FMN2: variants seen among roughly 807,000 people sequenced by gnomAD.
FMN2 encodes the protein formin-2.
A neutral mutation model predicts 142.3 loss-of-function variants in FMN2; 51 were observed. The observed-to-expected ratio is 0.36, with a 90% CI of 0.29 to 0.45. The LOEUF (loss-of-function observed/expected upper bound fraction) is 0.45, where lower values mean the gene tolerates loss of function less well. Ranked by LOEUF, FMN2 falls within the 20% of genes least tolerant of loss-of-function variation. The pLI, the probability that FMN2 is intolerant of heterozygous loss-of-function variation, is 1.00. For synonymous variants in FMN2, 882 were observed against 869.8 expected, an observed-to-expected ratio of 1.01 and a Z score of -0.25; for missense variants, 1,936 against 2,122.8, an observed-to-expected ratio of 0.91 and a Z score of 1.73.
At chr1:240,380,469 T>C (rs1008451428) in intron 14 of FMN2, among the ~76,000 whole-genome samples, 5 of 152,168 alleles carry the variant, frequency 3.3e-5, no homozygotes, top group African/African-American at 9.7e-5. Context: ...TGGGTACATA[T>C]ATATTTTGGA....
chr1:240,211,280 T>C (rs1454105747), intron 6 of FMN2, 45 bp downstream of exon 6: 6 of 1,586,332 alleles, frequency 3.8e-6, no homozygotes, highest in Non-Finnish European at 5.2e-6. Flanking sequence ...GTTTCTGGCA[T>C]AAGTGTGAAC....
Position 240,093,210 on chromosome 1 carries a change from C to T in FMN2, c.1101C>T (p.Ala367=). The T allele has an allele frequency of 6.6e-7, 1 of 1,504,542 alleles. No homozygotes were observed. Among genetic ancestry groups the T allele is most frequent in the Non-Finnish European group, 8.9e-7 (1 of 1,128,142 alleles). 93.2% of individuals were successfully genotyped at this position (1,504,542 alleles called of 1,614,324 possible). A position where few individuals can be genotyped will look rare whatever the true frequency, so the allele number is the denominator to read the frequency against. ...APRGSPGEEW[A]PEVGEDAPQR... ...GGGGCTCTCCGGGGGAGGAGTGGGCCCCGGAGGTGGGAGAGGACGCCCCGC... is the reference window on the plus strand; with the variant it reads ...GGGGCTCTCCGGGGGAGGAGTGGGCTCCGGAGGTGGGAGAGGACGCCCCGC... The change falls in exon 1 of 18, where the codon GCC becomes GCT. Residue 367 remains alanine (A), a synonymous_variant. Transcript: ENST00000319653.
chr1:240,430,128 C>T (rs1025845819), intron 15 of FMN2, among the ~76,000 whole-genome samples: 1 of 151,982 alleles, frequency 6.6e-6, no homozygotes, highest in Non-Finnish European at 1.5e-5. Context: ...CCTCATGATC[C>T]GCCCGCCTCG....
chr1:240,450,479 A>G (rs1156939451), intron 16 of FMN2, among the ~76,000 whole-genome samples: 4 of 152,168 alleles, frequency 2.6e-5, no homozygotes, highest in African/African-American at 7.2e-5. Flanking sequence ...AATCAACCTC[A>G]TCTGTCATTT....
At chr1:240,443,338 T>C (rs1675688688) in intron 16 of FMN2, among the ~76,000 whole-genome samples, 1 of 152,226 alleles carries the variant, frequency 6.6e-6, no homozygotes, top group Non-Finnish European at 1.5e-5. Flanking sequence ...CATGTACAAT[T>C]GTTAATAAGA....
At chr1:240,296,677 T>TC (rs1670001195) in intron 8 of FMN2, among the ~76,000 whole-genome samples, 1 of 151,704 alleles carries the variant, frequency 6.6e-6, no homozygotes, top group Admixed American at 6.6e-5. Flanking sequence ...GTTTGGTTTT[T>TC]TTTTTTTAAC....
At chr1:240,174,645 C>T (rs1032179380) in intron 2 of FMN2, among the ~76,000 whole-genome samples, 4 of 152,236 alleles carry the variant, frequency 2.6e-5, no homozygotes, top group South Asian at 2.1e-4. Flanking sequence ...GGATTATAGG[C>T]GGGAGCCACA....
chr1:240,159,257 G>A (rs939689467), intron 2 of FMN2, among the ~76,000 whole-genome samples: 1 of 151,816 alleles, frequency 6.6e-6, no homozygotes, highest in Non-Finnish European at 1.5e-5. Context: ...GATACGCTGG[G>A]GTTTAAAGTG....
At chr1:240,178,947 C>A (rs985137916) in intron 3 of FMN2, among the ~76,000 whole-genome samples, 1 of 151,902 alleles carries the variant, frequency 6.6e-6, no homozygotes, top group African/African-American at 2.4e-5. Flanking sequence ...GAGAGGAAGA[C>A]AGTCATTAGA....
At chr1:240,439,883 G>A (rs561745129) in intron 16 of FMN2, among the ~76,000 whole-genome samples, 1 of 152,112 alleles carries the variant, frequency 6.6e-6, no homozygotes, top group Non-Finnish European at 1.5e-5. Context: ...CCTTCCCTAA[G>A]TCCCTACATT....
At chr1:240,418,652 G>C (rs1316203967) in intron 15 of FMN2, among the ~76,000 whole-genome samples, 1 of 152,146 alleles carries the variant, frequency 6.6e-6, no homozygotes, top group Non-Finnish European at 1.5e-5. Context: ...CATTTTTTGA[G>C]ATTTGCTGTA....
rs978605052 is a variant in FMN2 at position 240,143,625 on chromosome 1, T to A, written c.1782+20280T>A. The A allele has an allele frequency of 7.5e-6, 12 of 1,610,026 alleles. No individual in the cohort carries two copies. The African/African-American group carries it at 1.3e-4, about 18-fold the overall frequency. On this transcript the variant is annotated intron_variant, in intron 2 of 17. Transcript: ENST00000319653. ...CCAGTGTGTTGGCAAAACTGCGGAA[T>A]GGCTCTGATGCAACCTCCAGTGCAG...
chr1:240,158,602 C>G (rs1391757933), intron 2 of FMN2, among the ~76,000 whole-genome samples: 1 of 152,050 alleles, frequency 6.6e-6, no homozygotes, highest in African/African-American at 2.4e-5. Flanking sequence ...GCATCTCCCC[C>G]CCACCACGCC....
intron 2 of FMN2, among the ~76,000 whole-genome samples, chr1:240,149,420 C>A (rs567926050): frequency 3.0e-4 from 45 of 152,286 alleles, no homozygotes; most frequent in African/African-American, 1.1e-3. Context: ...CATGTCACAT[C>A]CATTTCAGTT....
chr1:240,407,305 T>G (rs1376575105), intron 15 of FMN2, among the ~76,000 whole-genome samples: 1 of 152,020 alleles, frequency 6.6e-6, no homozygotes, highest in Non-Finnish European at 1.5e-5. Context: ...ACCAGGCTAA[T>G]TTTTTGTATT....
At chr1:240,228,578 G>A (rs141143654) in intron 6 of FMN2, among the ~76,000 whole-genome samples, 2,133 of 152,000 alleles carry the variant, frequency 0.014, 33 homozygotes, top group South Asian at 0.069. Context: ...CTCATACACC[G>A]CTGGTGGAAA....
chr1:240,414,859 G>A (rs1674525546), intron 15 of FMN2, among the ~76,000 whole-genome samples: 1 of 152,146 alleles, frequency 6.6e-6, no homozygotes, highest in Non-Finnish European at 1.5e-5. Context: ...GAACCCAACT[G>A]TAATAGTAAA....
At chr1:240,097,357 C>CT (rs534995077) in intron 1 of FMN2, among the ~76,000 whole-genome samples, 4,143 of 131,074 alleles carry the variant, frequency 0.032, 103 homozygotes, top group Admixed American at 0.056. Flanking sequence ...TTATAGCTGC[C>CT]TTTTTTTTTT....
intron 11 of FMN2, among the ~76,000 whole-genome samples, chr1:240,333,419 C>G (rs1394371509): frequency 6.6e-6 from 1 of 152,118 alleles, no homozygotes; most frequent in East Asian, 1.9e-4. Flanking sequence ...TAAAATGATA[C>G]TTAGCTTTTT....
Sources: gnomAD v4.1 joint callset for allele counts (sites outside exome capture counted in the v4.1 genomes callset) on GRCh38, gnomAD v4.1.1 for gene constraint, MANE v1.5 for transcripts, NCBI Gene and HGNC (gene_info 2026-07-23, HGNC 2026-07-21) for gene names.